Variants in AGBL4 observed in about 807,000 individuals in gnomAD.
AGBL4 encodes cytosolic carboxypeptidase 6.
In AGBL4, 58 loss-of-function variants were observed where a neutral mutation model predicts 66.4. The ratio of observed to expected loss-of-function variants is 0.87; its 90% CI spans 0.71 to 1.09. The LOEUF is 1.09. AGBL4 is among the 50% of genes least tolerant of loss of function. AGBL4 has a pLI of 0.00. For synonymous variants in AGBL4, 234 were observed against 222.9 expected, an observed-to-expected ratio of 1.05 and a Z score of -0.44; for missense variants, 579 against 631.0, an observed-to-expected ratio of 0.92 and a Z score of 0.88.
At chr1:49,151,910 A>T (rs1035270135) in intron 4 of AGBL4, among the ~76,000 whole-genome samples, 15 of 152,154 alleles carry the variant, frequency 9.9e-5, no homozygotes, top group African/African-American at 2.9e-4. Flanking sequence ...GGTTTCAGAG[A>T]TAAAGGCTTC....
At chr1:49,720,513 C>A (rs550143193) in intron 2 of AGBL4, among the ~76,000 whole-genome samples, 1 of 152,118 alleles carries the variant, frequency 6.6e-6, no homozygotes, top group South Asian at 2.1e-4. Flanking sequence ...TATTTACTAG[C>A]GATTCCAATT....
intron 3 of AGBL4, among the ~76,000 whole-genome samples, chr1:49,456,947 T>TAC (rs1646403554): frequency 6.6e-6 from 1 of 151,774 alleles, no homozygotes; most frequent in Non-Finnish European, 1.5e-5. Context: ...TATATATATA[T>TAC]ACCACATTTT....
At chr1:48,916,649 A>G (rs1485165608) in intron 5 of AGBL4, among the ~76,000 whole-genome samples, 1 of 152,182 alleles carries the variant, frequency 6.6e-6, no homozygotes, top group Admixed American at 6.5e-5. Flanking sequence ...GCCAAATTCC[A>G]AAGGCTGTGC....
At chr1:48,649,118 A>G (rs1557852968) in intron 8 of AGBL4, among the ~76,000 whole-genome samples, 1 of 152,260 alleles carries the variant, frequency 6.6e-6, no homozygotes, top group Non-Finnish European at 1.5e-5. Context: ...CAAGGTAAAC[A>G]AAGTCCTGAC....
chr1:48,868,201 T>C (rs1277905044), intron 5 of AGBL4, among the ~76,000 whole-genome samples: 1 of 152,226 alleles, frequency 6.6e-6, no homozygotes, highest in Non-Finnish European at 1.5e-5. Context: ...GTCATTGCTC[T>C]AGATTACAAA....
chr1:49,657,992 A>C (rs1046105822), intron 3 of AGBL4, among the ~76,000 whole-genome samples: 5 of 152,172 alleles, frequency 3.3e-5, no homozygotes, highest in Admixed American at 6.5e-5. Flanking sequence ...GCAACCAAAG[A>C]CAAAATTGAC....
At chr1:49,654,524 G>A (rs558490004) in intron 3 of AGBL4, among the ~76,000 whole-genome samples, 38 of 152,046 alleles carry the variant, frequency 2.5e-4, no homozygotes, top group Non-Finnish European at 4.7e-4. Context: ...GACAGTGGGG[G>A]TTAAACTCTC....
intron 11 of AGBL4, among the ~76,000 whole-genome samples, chr1:48,572,029 C>T (rs1539526): frequency 0.11 from 17,337 of 152,026 alleles, 1,252 homozygotes; most frequent in East Asian, 0.22. Context: ...AGGTATTACA[C>T]TATTTGAATC....
intron 3 of AGBL4, among the ~76,000 whole-genome samples, chr1:49,432,971 T>C (rs1645819862): frequency 6.6e-6 from 1 of 152,112 alleles, no homozygotes; most frequent in African/African-American, 2.4e-5. Flanking sequence ...TAATGGCCAA[T>C]GATTTAATCA....
At chr1:48,778,466 A>G (rs1364497591) in intron 6 of AGBL4, among the ~76,000 whole-genome samples, 1 of 152,204 alleles carries the variant, frequency 6.6e-6, no homozygotes, top group Non-Finnish European at 1.5e-5. Context: ...TGACAGTATA[A>G]TGAGAAAAGT....
chr1:48,543,396 ATCCATCC>A (rs1242888077), intron 11 of AGBL4, among the ~76,000 whole-genome samples: 1 of 149,558 alleles, frequency 6.7e-6, no homozygotes, highest in Non-Finnish European at 1.5e-5. Flanking sequence ...CCATCCATCC[ATCCATCC>A]ATCCATCCAT....
intron 3 of AGBL4, among the ~76,000 whole-genome samples, chr1:49,340,214 T>TA (rs1347775911): frequency 1.4e-5 from 1 of 71,810 alleles, no homozygotes; most frequent in Non-Finnish European, 2.7e-5. Flanking sequence ...AAATTCTCTA[T>TA]GGAAAAAAAA....
intron 1 of AGBL4, among the ~76,000 whole-genome samples, chr1:49,955,464 G>A (rs186502057): frequency 3.9e-5 from 6 of 151,994 alleles, no homozygotes; most frequent in African/African-American, 1.4e-4. Context: ...ATACAAATAT[G>A]CCTAGATAAT....
intron 1 of AGBL4, among the ~76,000 whole-genome samples, chr1:49,925,856 A>G (rs963930538): frequency 6.6e-6 from 1 of 152,186 alleles, no homozygotes; most frequent in Non-Finnish European, 1.5e-5. Context: ...GCTCAGCCAC[A>G]GTAGAATAAA....
At chr1:49,915,155 G>A (rs577215824) in intron 1 of AGBL4, among the ~76,000 whole-genome samples, 1 of 152,298 alleles carries the variant, frequency 6.6e-6, no homozygotes, top group East Asian at 1.9e-4. Context: ...CTCCCAGCGT[G>A]AGCAACGCAG....
At chr1:49,697,911 C>A (rs1019852655) in intron 2 of AGBL4, among the ~76,000 whole-genome samples, 1 of 152,070 alleles carries the variant, frequency 6.6e-6, no homozygotes, top group African/African-American at 2.4e-5. Context: ...ATATCCTAAA[C>A]TTCTATCAGA....
At chr1:50,004,620 T>C (rs867428446) in intron 1 of AGBL4, among the ~76,000 whole-genome samples, 2 of 152,202 alleles carry the variant, frequency 1.3e-5, no homozygotes, top group African/African-American at 4.8e-5. Context: ...TCCTGAGACC[T>C]CATTCCAGAC....
intron 3 of AGBL4, among the ~76,000 whole-genome samples, chr1:49,495,468 C>T (rs1267285554): frequency 6.6e-6 from 1 of 151,846 alleles, no homozygotes; most frequent in Non-Finnish European, 1.5e-5. Flanking sequence ...GATTAGACAG[C>T]CCTGTCTTAA....
Position 49,183,211 on chromosome 1 carries a change from C to A in AGBL4, c.377+62559G>T, listed in dbSNP as rs145871544. Among the ~76,000 whole-genome samples the A allele has an allele frequency of 8.6e-4, 131 of 152,218 alleles. 1 individual carries two copies. The highest frequency in any genetic ancestry group is 3.0e-3 in the African/African-American group (126 of 41,530). ...GTAGACATTCCCTCTGTATCCCAGA[C>A]GGAATTCGAGGAGAGACTGTAGTTT... On this transcript the variant is annotated intron_variant, in intron 4 of 13. Coordinates refer to ENST00000371839, the MANE Select transcript of AGBL4 (RefSeq NM_032785.4).
Sources: allele counts gnomAD v4.1 joint callset (sites outside exome capture counted in the v4.1 genomes callset), GRCh38; gene constraint gnomAD v4.1.1; transcripts MANE v1.5; gene names NCBI Gene and HGNC (gene_info 2026-07-23, HGNC 2026-07-21).